MAN1A1: variants seen among roughly 807,000 people sequenced by gnomAD.
MAN1A1 encodes the protein mannosidase alpha class 1A member 1, also known as mannosyl-oligosaccharide 1,2-alpha-mannosidase IA.
A neutral mutation model predicts 70.8 loss-of-function variants in MAN1A1; 29 were observed. The ratio of observed to expected loss-of-function variants is 0.41; its 90% CI spans 0.31 to 0.56. The LOEUF is 0.56. Among genes scored for constraint, MAN1A1 ranks in the 20% least tolerant of loss-of-function variants. The pLI, the probability that MAN1A1 is intolerant of heterozygous loss-of-function variation, is 0.29. For synonymous variants in MAN1A1, 349 were observed against 330.1 expected, an observed-to-expected ratio of 1.06 and a Z score of -0.62; for missense variants, 747 against 841.3, an observed-to-expected ratio of 0.89 and a Z score of 1.39.
In MAN1A1 at chr6:119,287,998, C is replaced by T. The variant is rs951662150; in HGVS notation, c.897+2685G>A. Among the ~76,000 whole-genome samples the T allele has an allele frequency of 3.9e-5, 6 of 152,052 alleles. No homozygotes were observed. In the East Asian group the frequency reaches 7.7e-4, roughly 20 times the overall value. ...GCTACAAAATATTTTAACTGAGCTA[C>T]GAGGTTTCAAATTTTTGAATATGTG... is the stretch of plus-strand genomic sequence containing the variant. On this transcript the variant is annotated intron_variant, in intron 5 of 12. Coordinates refer to ENST00000368468, the MANE Select transcript of MAN1A1 (RefSeq NM_005907.4).
chr6:119,272,578 C>T, intron 5 of MAN1A1, among the ~76,000 whole-genome samples: 1 of 152,134 alleles, frequency 6.6e-6, no homozygotes, highest in South Asian at 2.1e-4. Flanking sequence ...ATATGCTTAT[C>T]TATAGCAATA....
intron 2 of MAN1A1, among the ~76,000 whole-genome samples, chr6:119,338,537 A>T (rs1340512128): frequency 1.3e-5 from 2 of 152,248 alleles, no homozygotes. Flanking sequence ...TTCTTTAAGA[A>T]TTCAGCTGTG....
At chr6:119,247,907 G>A (rs1775211444) in intron 6 of MAN1A1, among the ~76,000 whole-genome samples, 1 of 152,296 alleles carries the variant, frequency 6.6e-6, no homozygotes, top group African/African-American at 2.4e-5. Context: ...TTAGGAATTT[G>A]CTTCTTTGGA....
Position 119,349,060 on chromosome 6 carries a change from G to A in MAN1A1, c.6C>T (p.Pro2=), listed in dbSNP as rs910199268. Residue 2 remains proline (P), a synonymous_variant, in exon 2 of 13, where the codon CCC becomes CCT. Transcript: ENST00000368468. M[P]VGGLLPLFSS... Reference sequence around the variant, plus strand: ...TGAAGAGCGGCAACAGGCCCCCCACGGGCATCGCTCCCGCTGTCCAGTGGT... The same window carrying A: ...TGAAGAGCGGCAACAGGCCCCCCACAGGCATCGCTCCCGCTGTCCAGTGGT... 2 of 1,319,296 alleles carry A rather than the reference G, an allele frequency of 1.5e-6. No homozygotes were observed. The highest frequency in any genetic ancestry group is 1.9e-6 in the Non-Finnish European group (2 of 1,033,294). 81.7% of individuals were successfully genotyped at this position (1,319,296 alleles called of 1,614,324 possible). A position where few individuals can be genotyped will look rare whatever the true frequency, so the allele number is the denominator to read the frequency against.
intron 11 of MAN1A1, among the ~76,000 whole-genome samples, chr6:119,185,587 T>C (rs201418880): frequency 6.7e-6 from 1 of 149,756 alleles, no homozygotes; most frequent in Non-Finnish European, 1.5e-5. Flanking sequence ...TTTTTCTTTA[T>C]TTTTTTGGAG....
upstream of MAN1A1, among the ~76,000 whole-genome samples, chr6:119,349,956 C>T (rs989384676): frequency 7.9e-5 from 12 of 151,930 alleles, no homozygotes; most frequent in Non-Finnish European, 1.0e-4. Flanking sequence ...GGGGAGGTCG[C>T]GGGGCCGGGA....
chr6:119,240,674 C>T (rs1348955579), intron 6 of MAN1A1, among the ~76,000 whole-genome samples: 3 of 152,148 alleles, frequency 2.0e-5, no homozygotes, highest in Non-Finnish European at 4.4e-5. Context: ...AAATTCCTAC[C>T]GCCTCACAAT....
chr6:119,282,879 A>C (rs1315709214), intron 5 of MAN1A1, among the ~76,000 whole-genome samples: 1 of 152,168 alleles, frequency 6.6e-6, no homozygotes, highest in African/African-American at 2.4e-5. Flanking sequence ...CAAATTAAGG[A>C]CCATATATGT....
At chr6:119,269,225 CT>C in intron 5 of MAN1A1, 1 of 258,704 alleles carries the variant, frequency 3.9e-6, no homozygotes, top group Non-Finnish European at 7.6e-6. Context: ...TCATAAGCTG[CT>C]TTTCTTCCAA....
intron 8 of MAN1A1, among the ~76,000 whole-genome samples, chr6:119,194,833 T>A (rs1172857098): frequency 5.9e-5 from 4 of 68,364 alleles, no homozygotes; most frequent in African/African-American, 1.3e-4. Context: ...TATCTTCATT[T>A]TTTTTCTTTT....
chr6:119,288,065 A>AT (rs1776427106), intron 5 of MAN1A1, among the ~76,000 whole-genome samples: 1 of 151,850 alleles, frequency 6.6e-6, no homozygotes, highest in East Asian at 1.9e-4. Context: ...TGTTTCTATT[A>AT]TTTTTTTGGT....
intron 2 of MAN1A1, among the ~76,000 whole-genome samples, chr6:119,339,289 G>C (rs1407228832): frequency 6.6e-6 from 1 of 152,104 alleles, no homozygotes; most frequent in Non-Finnish European, 1.5e-5. Context: ...CCACTTACCA[G>C]GGTGTGTGCA....
At chr6:119,310,180 G>A (rs555103227) in intron 2 of MAN1A1, among the ~76,000 whole-genome samples, 100 of 152,286 alleles carry the variant, frequency 6.6e-4, no homozygotes, top group African/African-American at 2.3e-3. Context: ...AAAGAAATAC[G>A]TTGGAATTTC....
intron 3 of MAN1A1, among the ~76,000 whole-genome samples, chr6:119,305,603 T>C (rs1308728054): frequency 3.3e-5 from 5 of 152,170 alleles, no homozygotes; most frequent in Non-Finnish European, 7.3e-5. Context: ...CAGTCTCTTT[T>C]CTTCTACTTT....
At chr6:119,268,724 G>C (rs536289302) in intron 5 of MAN1A1, among the ~76,000 whole-genome samples, 1 of 152,068 alleles carries the variant, frequency 6.6e-6, no homozygotes, top group Non-Finnish European at 1.5e-5. Flanking sequence ...GTAGCTGGGA[G>C]TACAGGCATG....
intron 6 of MAN1A1, among the ~76,000 whole-genome samples, chr6:119,221,494 CAG>C (rs1774359829): frequency 7.6e-6 from 1 of 131,790 alleles, no homozygotes; most frequent in Admixed American, 8.2e-5. Context: ...TTTTTCGAGA[CAG>C]AGTCTCATTT....
chr6:119,213,681 C>G (rs1774113596), intron 6 of MAN1A1, among the ~76,000 whole-genome samples: 1 of 152,164 alleles, frequency 6.6e-6, no homozygotes, highest in South Asian at 2.1e-4. Flanking sequence ...AATTCTGTTT[C>G]TTTTACTACC....
At chr6:119,310,271 A>C (rs1772665251) in intron 2 of MAN1A1, among the ~76,000 whole-genome samples, 1 of 152,210 alleles carries the variant, frequency 6.6e-6, no homozygotes, top group Non-Finnish European at 1.5e-5. Context: ...CTGAAGTTTT[A>C]AACACATAAT....
intron 2 of MAN1A1, among the ~76,000 whole-genome samples, chr6:119,323,244 T>A (rs1464698137): frequency 6.6e-6 from 1 of 152,056 alleles, no homozygotes; most frequent in Non-Finnish European, 1.5e-5. Flanking sequence ...AAATAAGGAG[T>A]CAGTGTGTTT....
Sources: allele counts gnomAD v4.1 joint callset (sites outside exome capture counted in the v4.1 genomes callset), GRCh38; gene constraint gnomAD v4.1.1; transcripts MANE v1.5; gene names NCBI Gene and HGNC (gene_info 2026-07-23, HGNC 2026-07-21).